RALGPS1: variants seen among roughly 807,000 people sequenced by gnomAD.
RALGPS1 encodes ras-specific guanine nucleotide-releasing factor RalGPS1.
A neutral mutation model predicts 78.8 loss-of-function variants in RALGPS1; 19 were observed. The ratio of observed to expected loss-of-function variants is 0.24; its 90% CI spans 0.17 to 0.35. The LOEUF (loss-of-function observed/expected upper bound fraction) is 0.35. Ranked by LOEUF, RALGPS1 falls within the 10% of genes least tolerant of loss-of-function variation. RALGPS1 has a pLI of 1.00. For missense variants in RALGPS1, 454 were observed against 688.3 expected, an observed-to-expected ratio of 0.66 and a Z score of 3.81; for synonymous variants, 228 against 256.3, an observed-to-expected ratio of 0.89 and a Z score of 1.06.
At chr9:127,123,468 C>T (rs1437193476) in intron 8 of RALGPS1, among the ~76,000 whole-genome samples, 4 of 152,192 alleles carry the variant, frequency 2.6e-5, no homozygotes, top group Non-Finnish European at 5.9e-5. Context: ...AGGAGCTTGG[C>T]ACAGTGTCAA....
intron 1 of RALGPS1, among the ~76,000 whole-genome samples, chr9:126,940,208 C>G (rs759780464): frequency 3.3e-5 from 5 of 152,094 alleles, no homozygotes; most frequent in African/African-American, 4.8e-5. Context: ...CAGCCCGCCT[C>G]TCACTCCACT....
intron 4 of RALGPS1, among the ~76,000 whole-genome samples, chr9:127,032,919 A>G (rs2046549604): frequency 6.6e-6 from 1 of 152,184 alleles, no homozygotes; most frequent in Non-Finnish European, 1.5e-5. Flanking sequence ...CTACAACTTA[A>G]AGAGACTCAT....
chr9:127,027,546 CTATT>C (rs899730218), intron 4 of RALGPS1, among the ~76,000 whole-genome samples: 5 of 152,134 alleles, frequency 3.3e-5, no homozygotes, highest in Admixed American at 2.0e-4. Flanking sequence ...TTGTTAATAA[CTATT>C]AGGATCTGCT....
intron 1 of RALGPS1, among the ~76,000 whole-genome samples, chr9:126,932,727 CAA>C (rs1031046872): frequency 1.3e-5 from 2 of 151,772 alleles, no homozygotes; most frequent in African/African-American, 2.4e-5. Context: ...TTTTATAAAA[CAA>C]AAATGTTATA....
At chr9:127,101,879 A>C (rs2053765545) in intron 8 of RALGPS1, among the ~76,000 whole-genome samples, 1 of 152,218 alleles carries the variant, frequency 6.6e-6, no homozygotes, top group African/African-American at 2.4e-5. Flanking sequence ...GACTTACTGT[A>C]TTCAAAAATA....
chr9:126,985,269 A>G (rs2041689383), intron 4 of RALGPS1, among the ~76,000 whole-genome samples: 1 of 152,178 alleles, frequency 6.6e-6, no homozygotes, highest in Admixed American at 6.5e-5. Flanking sequence ...ATTACAGTTG[A>G]CCTGAACTGA....
At chr9:127,073,489 T>TGTGTGTGTGTGTG (rs2050400677) in intron 8 of RALGPS1, among the ~76,000 whole-genome samples, 2 of 152,170 alleles carry the variant, frequency 1.3e-5, no homozygotes, top group South Asian at 2.1e-4. Context: ...TGTGTGTGTA[T>TGTGTGTGTGTGTG]AATATTTTCT....
At chr9:127,098,113 CA>C (rs1233573828) in intron 8 of RALGPS1, among the ~76,000 whole-genome samples, 1 of 152,180 alleles carries the variant, frequency 6.6e-6, no homozygotes, top group East Asian at 1.9e-4. Flanking sequence ...CTTTTCAATA[CA>C]AGACTAAATG....
At chr9:127,086,114 G>A (rs1166316515) in intron 8 of RALGPS1, among the ~76,000 whole-genome samples, 4 of 152,018 alleles carry the variant, frequency 2.6e-5, no homozygotes, top group African/African-American at 7.3e-5. Flanking sequence ...AAATGCACAC[G>A]CGCACACGGA....
chr9:126,954,351 C>A (rs537993681), intron 1 of RALGPS1, among the ~76,000 whole-genome samples: 4 of 152,352 alleles, frequency 2.6e-5, no homozygotes, highest in African/African-American at 7.2e-5. Flanking sequence ...CCATTCCCCA[C>A]GAATCCAAGC....
chr9:126,951,712 A>C (rs2037836930), intron 1 of RALGPS1, among the ~76,000 whole-genome samples: 1 of 152,246 alleles, frequency 6.6e-6, no homozygotes, highest in South Asian at 2.1e-4. Context: ...AGCCATTGTC[A>C]TACTGAATGG....
intron 8 of RALGPS1, among the ~76,000 whole-genome samples, chr9:127,076,297 A>C (rs2050678180): frequency 6.6e-6 from 1 of 152,228 alleles, no homozygotes; most frequent in South Asian, 2.1e-4. Context: ...GAAATAACTA[A>C]ATTAGAAATG....
chr9:127,140,807 C>T (rs1189550699), intron 8 of RALGPS1, among the ~76,000 whole-genome samples: 2 of 152,164 alleles, frequency 1.3e-5, no homozygotes, highest in Non-Finnish European at 2.9e-5. Context: ...ATGGAGTCCA[C>T]GCTGGAAGAG....
At chr9:126,988,611 T>G (rs1201833107) in intron 4 of RALGPS1, among the ~76,000 whole-genome samples, 3 of 152,148 alleles carry the variant, frequency 2.0e-5, no homozygotes, top group African/African-American at 4.8e-5. Flanking sequence ...TGGACAGATT[T>G]GTATTTTAAG....
chr9:127,106,738 G>T (rs557085915), intron 8 of RALGPS1, among the ~76,000 whole-genome samples: 1 of 152,290 alleles, frequency 6.6e-6, no homozygotes, highest in African/African-American at 2.4e-5. Flanking sequence ...TGAAAACAAT[G>T]CTGCCCTTGT....
chr9:126,954,231 A>G (rs2038133932), intron 1 of RALGPS1, among the ~76,000 whole-genome samples: 1 of 152,170 alleles, frequency 6.6e-6, no homozygotes, highest in Non-Finnish European at 1.5e-5. Flanking sequence ...CTACTCATTC[A>G]TAACAGCCTC....
intron 8 of RALGPS1, among the ~76,000 whole-genome samples, chr9:127,071,037 C>CTA (rs147935879): frequency 0.33 from 48,850 of 147,384 alleles, 9,251 homozygotes; most frequent in Non-Finnish European, 0.43. Flanking sequence ...CTCTCTCTCT[C>CTA]TCTATATATA....
intron 4 of RALGPS1, among the ~76,000 whole-genome samples, chr9:127,003,814 T>C (rs527708517): frequency 1.1e-3 from 174 of 152,328 alleles, no homozygotes; most frequent in Non-Finnish European, 2.1e-3. Flanking sequence ...TATCAGCCCA[T>C]CACCTAGGTA....
chr9:127,017,150 A>T (rs2044917590), intron 4 of RALGPS1, among the ~76,000 whole-genome samples: 1 of 152,214 alleles, frequency 6.6e-6, no homozygotes. Context: ...TAAAGATGGG[A>T]TGCATCATGA....
Sources: allele counts gnomAD v4.1 joint callset (sites outside exome capture counted in the v4.1 genomes callset), GRCh38; gene constraint gnomAD v4.1.1; transcripts MANE v1.5; gene names NCBI Gene and HGNC (gene_info 2026-07-23, HGNC 2026-07-21).